Variants in GOLT1A observed in about 807,000 individuals in gnomAD.
GOLT1A encodes the protein vesicle transport protein GOT1A.
A neutral mutation model predicts 16.1 loss-of-function variants in GOLT1A; 10 were observed. The observed-to-expected ratio is 0.62, with a 90% CI of 0.38 to 1.05. GOLT1A has a LOEUF of 1.05. GOLT1A is among the 50% of genes least tolerant of loss of function. The pLI, the probability that GOLT1A is intolerant of heterozygous loss-of-function variation, is 0.01. For synonymous variants in GOLT1A, 60 were observed against 67.9 expected (o/e 0.88, Z 0.57); for missense variants, 137 against 165.7 (o/e 0.83, Z 0.95).
At chr1:204,199,011 C>T in intron 4 of GOLT1A, 184 bp downstream of exon 4, 1 of 601,892 alleles carries the variant, frequency 1.7e-6, no homozygotes, top group Non-Finnish European at 3.0e-6. Context: ...CTCATGGGCT[C>T]TTGTCAAATG....
intron 1 of GOLT1A, among the ~76,000 whole-genome samples, chr1:204,206,160 G>T (rs543718159): frequency 6.6e-6 from 1 of 152,192 alleles, no homozygotes; most frequent in Non-Finnish European, 1.5e-5. Flanking sequence ...CTGGTATCAT[G>T]CCAGTCTTAC....
rs927278754 is a variant in GOLT1A, at chr1:204,198,350, C to T, written c.*108G>A. The T allele has an allele frequency of 7.9e-6, 8 of 1,016,076 alleles. No homozygotes were observed. The highest frequency in any genetic ancestry group is 2.5e-5 in the East Asian group (1 of 40,662). The allele number at this position is 1,016,076 out of a possible 1,614,324, so 62.9% of individuals were successfully genotyped here. A position where few individuals can be genotyped will look rare whatever the true frequency, so the allele number is the denominator to read the frequency against. Reference sequence around the variant, plus strand: ...CCTTCCTTCTGGACTTGGGGAGGTCCGGATATGTCGGGGAGTGAGTCAGTG... The same window carrying T: ...CCTTCCTTCTGGACTTGGGGAGGTCTGGATATGTCGGGGAGTGAGTCAGTG... On this transcript the variant is annotated 3_prime_UTR_variant, in exon 5 of 5. Transcript: ENST00000308302.
chr1:204,212,362 C>A (rs546411437), intron 1 of GOLT1A, among the ~76,000 whole-genome samples: 79 of 152,108 alleles, frequency 5.2e-4, no homozygotes, highest in Admixed American at 1.8e-3. Flanking sequence ...TGGCTGGGCG[C>A]GGTGGCTCAC....
At chr1:204,199,345 C>G in intron 3 of GOLT1A, 87 bp from the exon 4 acceptor site, 1 of 1,040,702 alleles carries the variant, frequency 9.6e-7, no homozygotes, top group East Asian at 2.5e-5. Context: ...CTGAAAGGTT[C>G]AAGCTCTGGC....
chr1:204,202,083 T>C (rs990736875), intron 2 of GOLT1A, among the ~76,000 whole-genome samples: 2 of 152,088 alleles, frequency 1.3e-5, no homozygotes, highest in African/African-American at 4.8e-5. Context: ...GCATTTTTCA[T>C]ATGGGACTTG....
In GOLT1A at chr1:204,206,395, C is replaced by T. The variant is rs75731611; in HGVS notation, c.26-3408G>A. On this transcript the variant is annotated intron_variant, in intron 1 of 4. Transcript: ENST00000308302. The stretch of plus-strand genomic sequence containing the variant: ...TGGGACAGCTCAGCAGAATATCACC[C>T]CCATGGGTCATGATGAAGGTTGTGT... 1.8e-3 allele frequency among the ~76,000 whole-genome samples: 278 copies of T among 152,340 alleles called. 7 individuals carry two copies. The East Asian group carries it at 0.047, about 26-fold the overall frequency.
intron 1 of GOLT1A, among the ~76,000 whole-genome samples, chr1:204,212,979 G>A (rs1237355489): frequency 3.9e-5 from 6 of 152,010 alleles, no homozygotes; most frequent in South Asian, 2.1e-4. Flanking sequence ...AGAGAGCTGC[G>A]TGGCTTTGCT....
chr1:204,210,759 T>C (rs1370254443), intron 1 of GOLT1A, among the ~76,000 whole-genome samples: 2 of 152,230 alleles, frequency 1.3e-5, no homozygotes, highest in Non-Finnish European at 2.9e-5. Flanking sequence ...TGTATGCTGA[T>C]GACACTGATG....
intron 1 of GOLT1A, among the ~76,000 whole-genome samples, chr1:204,206,008 T>C (rs897859090): frequency 6.6e-6 from 1 of 152,058 alleles, no homozygotes; most frequent in Admixed American, 6.5e-5. Flanking sequence ...AGGTGGAGGT[T>C]GCAGTGAGCC....
chr1:204,203,013 G>A (rs1658986943), intron 1 of GOLT1A, 26 bp from the exon 2 acceptor site: 2 of 1,599,016 alleles, frequency 1.3e-6, no homozygotes, highest in Admixed American at 3.3e-5. Context: ...AGGTGGTGGA[G>A]GAAAGGGCTT....
intron 1 of GOLT1A, among the ~76,000 whole-genome samples, chr1:204,211,069 C>T (rs190179276): frequency 6.6e-6 from 1 of 152,062 alleles, no homozygotes; most frequent in Non-Finnish European, 1.5e-5. Context: ...CCATTTCTCT[C>T]CATTCTTAAC....
At chr1:204,204,259 G>A (rs9726776) in intron 1 of GOLT1A, among the ~76,000 whole-genome samples, 110,977 of 152,102 alleles carry the variant, frequency 0.73, 41,352 homozygotes, top group African/African-American at 0.9. Flanking sequence ...TGAATTCTTC[G>A]TCTTGCAAAG....
At chr1:204,208,446 GTATA>G (rs1327513684) in intron 1 of GOLT1A, among the ~76,000 whole-genome samples, 3 of 75,662 alleles carry the variant, frequency 4.0e-5, no homozygotes, top group Non-Finnish European at 9.6e-5. Context: ...ACATATGTGT[GTATA>G]TATGTATACT....
At chr1:204,200,090 G>T (rs1017274491) in intron 3 of GOLT1A, among the ~76,000 whole-genome samples, 2 of 151,830 alleles carry the variant, frequency 1.3e-5, no homozygotes, top group African/African-American at 4.8e-5. Flanking sequence ...ATTTGCTGCT[G>T]TCCCACTCCA....
intron 3 of GOLT1A, 72 bp from the exon 4 acceptor site, chr1:204,199,330 G>C: frequency 8.0e-7 from 1 of 1,243,062 alleles, no homozygotes; most frequent in Non-Finnish European, 1.2e-6. Context: ...CGAGGCTGAG[G>C]TCCACTGAAA....
intron 2 of GOLT1A, among the ~76,000 whole-genome samples, chr1:204,202,288 T>A (rs1489236611): frequency 6.6e-6 from 1 of 151,376 alleles, no homozygotes; most frequent in African/African-American, 2.4e-5. Context: ...TGGCTCCTAA[T>A]GAATCCCTTA....
intron 1 of GOLT1A, among the ~76,000 whole-genome samples, chr1:204,210,054 A>G (rs2102340345): frequency 6.6e-6 from 1 of 152,296 alleles, no homozygotes; most frequent in Non-Finnish European, 1.5e-5. Context: ...GTGAAACTCC[A>G]TCTCAAAAAC....
intron 4 of GOLT1A, 108 bp downstream of exon 4, chr1:204,199,086 CA>C: frequency 1.1e-6 from 1 of 932,902 alleles, no homozygotes; most frequent in Non-Finnish European, 1.7e-6. Context: ...TGAGGGGAGA[CA>C]GGGGAGAGGC....
In GOLT1A at chr1:204,203,550, T is replaced by G. The variant is rs187367670; in HGVS notation, c.26-563A>C. 1.8e-4 allele frequency among the ~76,000 whole-genome samples: 27 copies of G among 152,294 alleles called. No individual in the cohort carries two copies. In the East Asian group the frequency reaches 5.2e-3, roughly 29 times the overall value. The stretch of plus-strand genomic sequence containing the variant: ...CCTCAGAATTGCCCTGTCTCCACTC[T>G]CAGGTGGTGACATTTCCCACTGGAT... On this transcript the variant is annotated intron_variant, in intron 1 of 4. Transcript: ENST00000308302.
Sources: gnomAD v4.1 joint callset for allele counts (sites outside exome capture counted in the v4.1 genomes callset) on GRCh38, gnomAD v4.1.1 for gene constraint, MANE v1.5 for transcripts, NCBI Gene and HGNC (gene_info 2026-07-23, HGNC 2026-07-21) for gene names.